CTBP2: variants seen among roughly 807,000 people sequenced by gnomAD.
The protein encoded by CTBP2 is C-terminal-binding protein 2.
CTBP2 carries 30 observed loss-of-function variants against 80.3 expected under a neutral mutation model. That is an observed-to-expected ratio of 0.37 (90% CI 0.28 to 0.51). The LOEUF is 0.51. Ranked by LOEUF, CTBP2 falls within the 20% of genes least tolerant of loss-of-function variation. The probability of loss-of-function intolerance (pLI) is 0.93; values close to 1 mark genes in which losing one functional copy is unlikely to be tolerated. For synonymous variants in CTBP2, 594 were observed against 587.4 expected (o/e 1.01, Z -0.16); for missense variants, 1,212 against 1,375.3 (o/e 0.88, Z 1.88).
intron 2 of CTBP2, among the ~76,000 whole-genome samples, chr10:125,078,211 C>T (rs973977858): frequency 7.1e-6 from 1 of 141,714 alleles, no homozygotes; most frequent in African/African-American, 2.7e-5. Flanking sequence ...ACCTGGCAGG[C>T]GGAGCTTGTA....
At chr10:125,011,988 A>G (rs1287486643) in intron 1 of CTBP2, among the ~76,000 whole-genome samples, 1 of 152,168 alleles carries the variant, frequency 6.6e-6, no homozygotes, top group African/African-American at 2.4e-5. Context: ...AGCAGGTGCC[A>G]TCCACCCGGG....
At chr10:125,128,408 A>G (rs1486274742) in intron 1 of CTBP2, among the ~76,000 whole-genome samples, 2 of 152,156 alleles carry the variant, frequency 1.3e-5, no homozygotes, top group African/African-American at 2.4e-5. Context: ...GAAGGGAGAG[A>G]CATTGGGAGG....
At position 125,027,191 on chromosome 10, in the gene CTBP2, C is replaced by T. The variant is rs1247986034; in HGVS notation, c.569G>A (p.Gly190Glu). The change falls in exon 1 of 9, where the codon GGA becomes GAA. Residue 190 changes from glycine to glutamate, a missense_variant. Coordinates refer to ENST00000309035, the MANE Select transcript of CTBP2 (RefSeq NM_022802.3). ...ATACCTGGTGTCGGGCTGCTCCCGT[C>T]CATACCGCCCGGGAGATGCAGCCCT... The T allele has an allele frequency of 6.2e-7, 1 of 1,608,664 alleles. No individual in the cohort carries two copies. The highest frequency in any genetic ancestry group is 8.5e-7 in the Non-Finnish European group (1 of 1,176,142).
At chr10:125,146,759 G>A (rs1858858847) in intron 1 of CTBP2, among the ~76,000 whole-genome samples, 1 of 152,268 alleles carries the variant, frequency 6.6e-6, no homozygotes, top group South Asian at 2.1e-4. Context: ...AGGAAGCACA[G>A]AGCAGTTAAC....
chr10:125,157,584 A>C (rs956294057), intron 1 of CTBP2, among the ~76,000 whole-genome samples: 1 of 150,960 alleles, frequency 6.6e-6, no homozygotes, highest in African/African-American at 2.4e-5. Context: ...ACAAAAAACC[A>C]ATCAGCGCCA....
chr10:125,138,955 C>T (rs1399802424), intron 1 of CTBP2, among the ~76,000 whole-genome samples: 1 of 152,226 alleles, frequency 6.6e-6, no homozygotes, highest in Non-Finnish European at 1.5e-5. Context: ...GGGAAAGTCA[C>T]TGAGCTTCTC....
chr10:125,150,699 C>T (rs1411318118), intron 1 of CTBP2, among the ~76,000 whole-genome samples: 3 of 150,206 alleles, frequency 2.0e-5, no homozygotes, highest in Non-Finnish European at 3.0e-5. Context: ...GAGCCGATCT[C>T]AAGGCAGGTG....
At chr10:125,058,997 G>A (rs77313335) in intron 2 of CTBP2, among the ~76,000 whole-genome samples, 1,594 of 152,298 alleles carry the variant, frequency 0.01, 27 homozygotes, top group African/African-American at 0.036. Context: ...GGCAGGTGAC[G>A]AGGACCTTCA....
intron 1 of CTBP2, among the ~76,000 whole-genome samples, chr10:125,117,173 C>T (rs1035941230): frequency 6.7e-5 from 10 of 150,234 alleles, no homozygotes; most frequent in African/African-American, 2.5e-4. Flanking sequence ...CCCCGACTCT[C>T]TTCAGTTGCA....
At chr10:125,155,156 G>A (rs1030099649) in intron 1 of CTBP2, among the ~76,000 whole-genome samples, 14 of 152,208 alleles carry the variant, frequency 9.2e-5, no homozygotes, top group African/African-American at 3.4e-4. Flanking sequence ...TTCCTTAGCA[G>A]TCCAGAAAAG....
In CTBP2 at chr10:125,106,203, C is replaced by T. The variant is rs1040332426; in HGVS notation, c.-102+4787G>A. ...ACACTCTCAGCGGAAAGATGCACCC[C>T]ATGTGCGGCCCCACTTCACATGGAC... On this transcript the variant is annotated intron_variant, in intron 2 of 10. Transcript: ENST00000337195. 2.0e-5 allele frequency among the ~76,000 whole-genome samples: 3 copies of T among 151,590 alleles called. No homozygotes were observed. In the East Asian group the frequency reaches 5.8e-4, roughly 29 times the overall value.
intron 3 of CTBP2, chr10:125,000,627 G>C (rs1214133099): frequency 1.3e-5 from 2 of 152,272 alleles, no homozygotes; most frequent in African/African-American, 4.8e-5. Flanking sequence ...TGCTCTTGCC[G>C]TGAAGCGCTG....
At chr10:125,058,859 A>C (rs1022570731) in intron 2 of CTBP2, among the ~76,000 whole-genome samples, 1 of 152,174 alleles carries the variant, frequency 6.6e-6, no homozygotes, top group Admixed American at 6.5e-5. Flanking sequence ...ATGCCACTGC[A>C]CTCCAGCCTG....
In CTBP2 at chr10:124,994,325, G is replaced by C; in HGVS notation, c.2400+144C>G. On this transcript the variant is annotated intron_variant, in intron 5 of 8. Coordinates refer to ENST00000309035, the MANE Select transcript of CTBP2 (RefSeq NM_022802.3). ...CCGAGGAAGGGGCTTCACGTGGCTT[G>C]TCACTGGTTTGTTGCAGGGCCTCTT... is the stretch of plus-strand genomic sequence containing the variant. 4.8e-6 allele frequency: 4 copies of C among 835,562 alleles called. No homozygotes were observed. The South Asian group carries it at 6.7e-5, about 14-fold the overall frequency. 51.8% of individuals were successfully genotyped at this position (835,562 alleles called of 1,614,324 possible).
intron 1 of CTBP2, among the ~76,000 whole-genome samples, chr10:125,008,798 C>T (rs368083779): frequency 4.8e-4 from 73 of 152,206 alleles, no homozygotes; most frequent in African/African-American, 1.4e-3. Flanking sequence ...ATTTGCTAGC[C>T]GTAATAAGGA....
chr10:125,153,513 C>G (rs532052883), intron 1 of CTBP2, among the ~76,000 whole-genome samples: 2 of 152,314 alleles, frequency 1.3e-5, no homozygotes, highest in South Asian at 4.1e-4. Flanking sequence ...AAACTCCTGG[C>G]CTTTCACCCC....
Position 124,988,447 on chromosome 10 carries a change from CATTATTTTTCTGTTTG to C in CTBP2, c.*1055_*1070del, listed in dbSNP as rs1952149620. 1 of 152,564 alleles carries C rather than the reference CATTATTTTTCTGTTTG, an allele frequency of 6.6e-6. No individual in the cohort carries two copies. The highest frequency in any genetic ancestry group is 6.5e-5 in the Admixed American group (1 of 15,286). The allele number at this position is 152,564 out of a possible 1,614,324, so 9.5% of individuals were successfully genotyped here. A position where few individuals can be genotyped will look rare whatever the true frequency, so the allele number is the denominator to read the frequency against. On this transcript the variant is annotated 3_prime_UTR_variant, in exon 9 of 9. Coordinates refer to ENST00000309035, the MANE Select transcript of CTBP2 (RefSeq NM_022802.3). Reference sequence around the variant, plus strand: ...TAAAACAAAACATACTTCTGATAGCCATTATTTTTCTGTTTGGGACAATTTTAAAGTTTTTCTTTTG... The same window carrying C: ...TAAAACAAAACATACTTCTGATAGCCGGACAATTTTAAAGTTTTTCTTTTG...
chr10:125,035,481 C>T (rs1001486967), intron 3 of CTBP2, among the ~76,000 whole-genome samples: 4 of 152,318 alleles, frequency 2.6e-5, no homozygotes, highest in East Asian at 1.9e-4. Context: ...TCGAACAAAA[C>T]GCAGTAAAAC....
chr10:125,147,753 C>T lies in CTBP2; in HGVS notation c.-206+12566G>A, dbSNP rs189631552. Among the ~76,000 whole-genome samples the T allele has an allele frequency of 7.8e-3, 1,184 of 152,204 alleles. 23 individuals are homozygous for T. The highest frequency in any genetic ancestry group is 0.042 in the Admixed American group (644 of 15,304). ...CTCTACAAAAAATACAGAAACTAGC[C>T]AGGTGTGGTGCCCTGTACCTGTAGT... On this transcript the variant is annotated intron_variant, in intron 1 of 10. Coordinates refer to the CTBP2 transcript ENST00000337195.
Sources: allele counts gnomAD v4.1 joint callset (sites outside exome capture counted in the v4.1 genomes callset), GRCh38; gene constraint gnomAD v4.1.1; transcripts MANE v1.5; gene names NCBI Gene and HGNC (gene_info 2026-07-23, HGNC 2026-07-21).